SCP2: variants seen among roughly 807,000 people sequenced by gnomAD.
SCP2 encodes the protein sterol carrier protein 2.
Under a neutral mutation model 71.4 loss-of-function variants are expected in SCP2, and 48 were observed. The observed-to-expected ratio is 0.67, with a 90% CI of 0.53 to 0.86. SCP2 has a LOEUF of 0.86. Among genes scored for constraint, SCP2 ranks in the 40% least tolerant of loss-of-function variants. The pLI, the probability that SCP2 is intolerant of heterozygous loss-of-function variation, is 0.00. For synonymous variants in SCP2, 220 were observed against 218.1 expected, an observed-to-expected ratio of 1.01 and a Z score of -0.08; for missense variants, 560 against 655.6, an observed-to-expected ratio of 0.85 and a Z score of 1.59.
At chr1:53,026,226 C>A (rs1662121313) in intron 12 of SCP2, among the ~76,000 whole-genome samples, 1 of 152,166 alleles carries the variant, frequency 6.6e-6, no homozygotes, top group African/African-American at 2.4e-5. Context: ...GGATATCCAT[C>A]ACCTTAAATA....
chr1:52,935,576 C>T (rs552679303), intron 1 of SCP2, among the ~76,000 whole-genome samples: 4 of 132,948 alleles, frequency 3.0e-5, no homozygotes, highest in Admixed American at 8.4e-5. Flanking sequence ...AGCCACAGTG[C>T]GAGACTCAGT....
At chr1:53,001,389 G>A (rs1360571070) in intron 11 of SCP2, among the ~76,000 whole-genome samples, 4 of 152,086 alleles carry the variant, frequency 2.6e-5, no homozygotes, top group Non-Finnish European at 4.4e-5. Flanking sequence ...TGCACAAAGA[G>A]GAAGCATGTT....
intron 13 of SCP2, among the ~76,000 whole-genome samples, chr1:53,038,367 C>T (rs1663175410): frequency 6.6e-6 from 1 of 152,064 alleles, no homozygotes; most frequent in Admixed American, 6.6e-5. Flanking sequence ...AAATGCTGCC[C>T]TGTCCCTCCT....
At chr1:53,044,892 A>G (rs1305977168) in intron 14 of SCP2, among the ~76,000 whole-genome samples, 1 of 152,222 alleles carries the variant, frequency 6.6e-6, no homozygotes, top group African/African-American at 2.4e-5. Context: ...AATAAAATTA[A>G]TATTTTAAAA....
At chr1:53,033,733 T>C (rs979887023) in intron 13 of SCP2, among the ~76,000 whole-genome samples, 1 of 152,048 alleles carries the variant, frequency 6.6e-6, no homozygotes, top group Non-Finnish European at 1.5e-5. Context: ...CATTGTGACA[T>C]GATGTAGCCA....
chr1:52,929,220 C>G (rs1330314382), intron 1 of SCP2, among the ~76,000 whole-genome samples: 1 of 133,844 alleles, frequency 7.5e-6, no homozygotes, highest in Non-Finnish European at 1.6e-5. Context: ...TTTTGGAAGA[C>G]GGAGTTTTGC....
intron 1 of SCP2, among the ~76,000 whole-genome samples, chr1:52,932,213 G>T (rs1653218120): frequency 6.6e-6 from 1 of 152,088 alleles, no homozygotes; most frequent in Admixed American, 6.6e-5. Context: ...AGTTTGAAAA[G>T]CCAATCCGAT....
intron 11 of SCP2, chr1:52,993,564 T>C (rs1659694854): frequency 6.2e-7 from 1 of 1,612,158 alleles, no homozygotes; most frequent in Admixed American, 1.7e-5. Context: ...CCAGTCCTCA[T>C]ATACTGTTCT....
chr1:52,942,503 G>C (rs1654344975), intron 2 of SCP2, among the ~76,000 whole-genome samples: 1 of 151,932 alleles, frequency 6.6e-6, no homozygotes, highest in Non-Finnish European at 1.5e-5. Flanking sequence ...TGCACTGTGG[G>C]TCTGAGTTGT....
chr1:53,011,895 C>T lies in SCP2; in HGVS notation c.1082-2995C>T, dbSNP rs77603798. On this transcript the variant is annotated intron_variant, in intron 11 of 15. Transcript: ENST00000371514. ...ACATCTAGCTTTTAATTTACATCAC[C>T]GTTAGGGCTTAGAAAACAATACACC... 7.4e-3 allele frequency among the ~76,000 whole-genome samples: 1,122 copies of T among 152,208 alleles called. 17 individuals carry two copies. Among genetic ancestry groups the T allele is most frequent in the Admixed American group, 0.032 (491 of 15,270 alleles).
intron 5 of SCP2, among the ~76,000 whole-genome samples, chr1:52,960,689 T>C (rs1311767523): frequency 1.4e-5 from 2 of 147,998 alleles, no homozygotes; most frequent in Non-Finnish European, 3.0e-5. Context: ...TATATGTATA[T>C]ATGTGTGTTG....
intron 13 of SCP2, among the ~76,000 whole-genome samples, chr1:53,036,784 C>T (rs1662982247): frequency 6.6e-6 from 1 of 151,046 alleles, no homozygotes; most frequent in African/African-American, 2.4e-5. Flanking sequence ...GTTTTTGGTA[C>T]AAAACCCATT....
chr1:52,927,383 G>C lies in SCP2; in HGVS notation c.-14G>C. 1 of 1,578,078 alleles carries C rather than the reference G, an allele frequency of 6.3e-7. No homozygotes were observed. On this transcript the variant is annotated 5_prime_UTR_variant, in exon 1 of 16. Transcript: ENST00000371514. ...CGTCCGCGGCGCCCGCCCCGGTCCC[G>C]CACTGGTGCAGCCATGTCCTCTTCC...
intron 2 of SCP2, among the ~76,000 whole-genome samples, chr1:52,944,788 G>A (rs913754779): frequency 2.0e-5 from 3 of 151,886 alleles, no homozygotes; most frequent in East Asian, 3.9e-4. Context: ...TTGAGAGGCC[G>A]AGGTGGGCGG....
Position 52,927,336 on chromosome 1 carries a change from T to C in SCP2, c.-61T>C, listed in dbSNP as rs956437477. On this transcript the variant is annotated 5_prime_UTR_variant, in exon 1 of 16. Transcript: ENST00000371514. The stretch of plus-strand genomic sequence containing the variant: ...GGCTTCAGGGAGCTCTGGTGCAGTC[T>C]CCGCCTGTCAGTGCCGGCAGTCGTC... The C allele has an allele frequency of 7.0e-7, 1 of 1,422,322 alleles. No homozygotes were observed. The highest frequency in any genetic ancestry group is 9.7e-7 in the Non-Finnish European group (1 of 1,033,714). The allele number at this position is 1,422,322 out of a possible 1,614,324, so 88.1% of individuals were successfully genotyped here. A position where few individuals can be genotyped will look rare whatever the true frequency, so the allele number is the denominator to read the frequency against.
At chr1:53,022,979 A>T (rs1027166963) in intron 12 of SCP2, among the ~76,000 whole-genome samples, 1 of 152,230 alleles carries the variant, frequency 6.6e-6, no homozygotes. Flanking sequence ...AAATTAAAAA[A>T]ATAAAACCAA....
At chr1:53,002,197 AAAAC>A (rs1247340834) in intron 11 of SCP2, among the ~76,000 whole-genome samples, 13 of 151,958 alleles carry the variant, frequency 8.6e-5, no homozygotes, top group Non-Finnish European at 1.6e-4. Context: ...AAAAAAAAAA[AAAAC>A]AAAGAAAGAA....
intron 11 of SCP2, chr1:52,995,806 G>A (rs1659894473): frequency 3.4e-6 from 3 of 888,370 alleles, no homozygotes; most frequent in Non-Finnish European, 5.7e-6. Context: ...GCAGCAGCAC[G>A]GCCATCCAGG....
In SCP2 at chr1:53,028,006, A is replaced by G; in HGVS notation, c.1273A>G (p.Ser425Gly). 3 of 1,612,006 alleles carry G rather than the reference A, an allele frequency of 1.9e-6. No homozygotes were observed. The highest frequency in any genetic ancestry group is 2.5e-6 in the Non-Finnish European group (3 of 1,178,180). ...TCATCAAATTGAAGCTGTTCCAACCAGCTCTGCAAGTGATGGATTTAAGGC... is the reference window on the plus strand; with the variant it reads ...TCATCAAATTGAAGCTGTTCCAACCGGCTCTGCAAGTGATGGATTTAAGGC... ...RTHQIEAVPT[S>G]SASDGFKANL... is the part of the protein sequence containing the mutation. The change falls in exon 13 of 16, where the codon AGC becomes GGC. Residue 425 changes from serine (S) to glycine (G), a missense_variant. This residue lies in a region of SCP2 where 513 missense variants were observed against 573.1 expected (regional missense o/e 0.90). Coordinates refer to ENST00000371514, the MANE Select transcript of SCP2 (RefSeq NM_002979.5).
Sources: allele counts gnomAD v4.1 joint callset (sites outside exome capture counted in the v4.1 genomes callset), GRCh38; gene constraint gnomAD v4.1.1; regional missense constraint gnomAD v4.1.1; transcripts MANE v1.5; gene names NCBI Gene and HGNC (gene_info 2026-07-23, HGNC 2026-07-21).